TNR: variants seen among roughly 807,000 people sequenced by gnomAD.
TNR encodes the protein tenascin-R.
Under a neutral mutation model 150.4 loss-of-function variants are expected in TNR, and 45 were observed. The ratio of observed to expected loss-of-function variants is 0.30; its 90% confidence interval spans 0.24 to 0.38. The LOEUF (loss-of-function observed/expected upper bound fraction) is 0.38, where lower values mean the gene tolerates loss of function less well. Among genes scored for constraint, TNR ranks in the 10% least tolerant of loss-of-function variants. The pLI is 1.00. For synonymous variants in TNR, 687 were observed against 678.4 expected, an observed-to-expected ratio of 1.01 and a Z score of -0.20; for missense variants, 1,544 against 1,759.1, an observed-to-expected ratio of 0.88 and a Z score of 2.19.
chr1:175,441,502 A>C (rs1655787747), intron 2 of TNR, among the ~76,000 whole-genome samples: 1 of 152,226 alleles, frequency 6.6e-6, no homozygotes, highest in African/African-American at 2.4e-5. Flanking sequence ...TATATATTAA[A>C]GGAGAAGCAA....
At chr1:175,492,965 A>G (rs545304728) in intron 2 of TNR, among the ~76,000 whole-genome samples, 1 of 152,314 alleles carries the variant, frequency 6.6e-6, no homozygotes, top group South Asian at 2.1e-4. Context: ...GGGTGCAGGC[A>G]TGAACACAGG....
intron 1 of TNR, among the ~76,000 whole-genome samples, chr1:175,625,846 G>T (rs1664136690): frequency 6.6e-6 from 1 of 152,140 alleles, no homozygotes; most frequent in Non-Finnish European, 1.5e-5. Flanking sequence ...CTCCCCACAG[G>T]CTGAAATGAT....
intron 1 of TNR, among the ~76,000 whole-genome samples, chr1:175,574,343 G>A (rs893227703): frequency 5.3e-5 from 8 of 152,108 alleles, no homozygotes; most frequent in Admixed American, 5.2e-4. Context: ...GTGGTTTTAA[G>A]AAAAGGTATA....
chr1:175,711,990 G>A (rs1452349764), intron 1 of TNR, among the ~76,000 whole-genome samples: 1 of 152,158 alleles, frequency 6.6e-6, no homozygotes, highest in East Asian at 1.9e-4. Context: ...AAAGATCGGT[G>A]CTGCAGATAG....
At chr1:175,480,418 AAAAAGAAAGAAAGAAAGAAAGAAAG>A (rs1657741042) in intron 2 of TNR, among the ~76,000 whole-genome samples, 2 of 94,994 alleles carry the variant, frequency 2.1e-5, no homozygotes, top group East Asian at 8.5e-4. Context: ...GAAAGAAAGA[AAAAAGAAAGAAAGAAAGAAAGAAAG>A]AGAAAGAAAG....
chr1:175,657,883 A>ATATATATATATATATATATATATATG lies in TNR; in HGVS notation c.-165+85342_-165+85343insCATATATATATATATATATATATATA, dbSNP rs1464419575. 6.2e-4 allele frequency among the ~76,000 whole-genome samples: 63 copies of ATATATATATATATATATATATATATG among 101,118 alleles called. 4 individuals are homozygous for ATATATATATATATATATATATATATG. Among genetic ancestry groups the ATATATATATATATATATATATATATG allele is most frequent in the African/African-American group, 1.4e-3 (39 of 27,694 alleles). 66.3% of individuals were successfully genotyped at this position (101,118 alleles called of 152,430 possible). ...TATATATATATATATATATATATAT[A>ATATATATATATATATATATATATATG]TGTAACAAACCTGCACGTTGTGCAC... On this transcript the variant is annotated intron_variant, in intron 1 of 22. Transcript: ENST00000367674.
intron 1 of TNR, among the ~76,000 whole-genome samples, chr1:175,565,059 A>C (rs1661588305): frequency 6.6e-6 from 1 of 152,240 alleles, no homozygotes; most frequent in African/African-American, 2.4e-5. Flanking sequence ...TGAGCTCACT[A>C]TTCTAGTTTG....
chr1:175,584,025 C>G (rs1258276155), intron 1 of TNR, among the ~76,000 whole-genome samples: 2 of 152,168 alleles, frequency 1.3e-5, no homozygotes, highest in Non-Finnish European at 2.9e-5. Context: ...CCCTATTAGG[C>G]TCAAATACCT....
chr1:175,530,827 A>G (rs1660034934), intron 1 of TNR, among the ~76,000 whole-genome samples: 1 of 151,924 alleles, frequency 6.6e-6, no homozygotes, highest in Admixed American at 6.6e-5. Context: ...ATCCTTTTAG[A>G]CTTCCTTTCA....
chr1:175,686,921 T>A (rs1666217032), intron 1 of TNR, among the ~76,000 whole-genome samples: 1 of 152,208 alleles, frequency 6.6e-6, no homozygotes, highest in African/African-American at 2.4e-5. Flanking sequence ...TCCATGACTT[T>A]GCTACTGTGG....
chr1:175,511,087 A>G (rs1001401807), intron 2 of TNR, among the ~76,000 whole-genome samples: 3 of 152,222 alleles, frequency 2.0e-5, no homozygotes, highest in Non-Finnish European at 2.9e-5. Context: ...TTTCCTGCCA[A>G]CAGAACCAGA....
chr1:175,558,939 A>G (rs1256841932), intron 1 of TNR, among the ~76,000 whole-genome samples: 1 of 152,180 alleles, frequency 6.6e-6, no homozygotes, highest in African/African-American at 2.4e-5. Flanking sequence ...TGATGTGTCA[A>G]TTTAGGTTCA....
At chr1:175,463,096 G>C (rs185209684) in intron 2 of TNR, among the ~76,000 whole-genome samples, 1 of 152,122 alleles carries the variant, frequency 6.6e-6, no homozygotes, top group Non-Finnish European at 1.5e-5. Context: ...TCTCTGAATC[G>C]CACTGGAGAA....
intron 2 of TNR, among the ~76,000 whole-genome samples, chr1:175,460,815 C>T (rs1010492739): frequency 1.3e-5 from 2 of 152,218 alleles, no homozygotes; most frequent in African/African-American, 2.4e-5. Flanking sequence ...AGAGGCACTT[C>T]CACAGAGATC....
chr1:175,666,925 A>AT (rs573035549), intron 1 of TNR, among the ~76,000 whole-genome samples: 16 of 151,742 alleles, frequency 1.1e-4, no homozygotes, highest in South Asian at 2.1e-4. Context: ...TTTGTAAAAC[A>AT]TTTTTTTTAT....
chr1:175,687,953 G>A (rs1286998501), intron 1 of TNR, among the ~76,000 whole-genome samples: 1 of 152,170 alleles, frequency 6.6e-6, no homozygotes, highest in Non-Finnish European at 1.5e-5. Flanking sequence ...TGGGGAAAGT[G>A]TTAAGAAGGA....
chr1:175,628,297 G>A (rs1438360936), intron 1 of TNR, among the ~76,000 whole-genome samples: 4 of 152,124 alleles, frequency 2.6e-5, no homozygotes, highest in Admixed American at 6.5e-5. Context: ...GGTTCCTAGA[G>A]CCTTTTTAGG....
intron 4 of TNR, among the ~76,000 whole-genome samples, chr1:175,402,845 C>T (rs1235381126): frequency 6.6e-6 from 1 of 152,150 alleles, no homozygotes; most frequent in Non-Finnish European, 1.5e-5. Context: ...ACCTCAAGGG[C>T]AATGAAGTGT....
At chr1:175,483,299 G>A (rs963741456) in intron 2 of TNR, among the ~76,000 whole-genome samples, 3 of 152,200 alleles carry the variant, frequency 2.0e-5, no homozygotes, top group African/African-American at 7.2e-5. Flanking sequence ...AGCAAGAGAG[G>A]TTAGTGGAGG....
Sources: allele counts gnomAD v4.1 joint callset (sites outside exome capture counted in the v4.1 genomes callset), GRCh38; gene constraint gnomAD v4.1.1; transcripts MANE v1.5; gene names NCBI Gene and HGNC (gene_info 2026-07-23, HGNC 2026-07-21).